RELL1: variants seen among roughly 807,000 people sequenced by gnomAD.
RELL1 encodes the protein RELT-like protein 1.
Under a neutral mutation model 23.0 loss-of-function variants are expected in RELL1, and 10 were observed. The ratio of observed to expected loss-of-function variants is 0.43; its 90% CI spans 0.27 to 0.74. RELL1 has a LOEUF of 0.74. Ranked by LOEUF, RELL1 falls within the 30% of genes least tolerant of loss-of-function variation. The pLI is 0.19. For missense variants in RELL1, 315 were observed against 364.4 expected (o/e 0.86, Z 1.10); for synonymous variants, 146 against 146.8 (o/e 0.99, Z 0.04).
rs978165271 is a variant in RELL1 at position 37,612,636 on chromosome 4, C to CAAAAAAAAAAAA, written c.*698_*709dup. 6.7e-5 allele frequency among the ~76,000 whole-genome samples: 4 copies of CAAAAAAAAAAAA among 60,142 alleles called. No homozygotes were observed. Among genetic ancestry groups the CAAAAAAAAAAAA allele is most frequent in the African/African-American group, 2.2e-4 (4 of 17,960 alleles). The allele number at this position is 60,142 out of a possible 152,430, so 39.5% of individuals were successfully genotyped here. On this transcript the variant is annotated 3_prime_UTR_variant, in exon 7 of 7. Transcript: ENST00000454158. ...TAGGGGACACAGCGAGACTCTGCCTCAAAAAAAAAAAAAAAAAAACCTTCT... is the reference window on the plus strand; with the variant it reads ...TAGGGGACACAGCGAGACTCTGCCTCAAAAAAAAAAAAAAAAAAAAAAAAAAAAAAACCTTCT...
intron 3 of RELL1, among the ~76,000 whole-genome samples, chr4:37,645,444 T>TC (rs1386325477): frequency 1.3e-5 from 2 of 152,216 alleles, no homozygotes; most frequent in Non-Finnish European, 2.9e-5. Context: ...AAGAACAGTA[T>TC]CACCAACTAC....
At chr4:37,634,427 G>C (rs970278025) in intron 5 of RELL1, among the ~76,000 whole-genome samples, 8 of 152,186 alleles carry the variant, frequency 5.3e-5, no homozygotes, top group Admixed American at 2.0e-4. Flanking sequence ...AATGATACGA[G>C]CCACTCTCAG....
At chr4:37,631,321 C>CT (rs1482564440) in intron 6 of RELL1, 64 bp downstream of exon 6, 1 of 1,521,120 alleles carries the variant, frequency 6.6e-7, no homozygotes. Context: ...ACCTGGGAGG[C>CT]TCCAAGTACC....
chr4:37,638,703 A>T (rs1298770271), intron 3 of RELL1, among the ~76,000 whole-genome samples, 199 bp from the exon 4 acceptor site: 1 of 152,154 alleles, frequency 6.6e-6, no homozygotes, highest in Non-Finnish European at 1.5e-5. Flanking sequence ...ACCCCACAGG[A>T]ACTTAGTAAG....
intron 1 of RELL1, among the ~76,000 whole-genome samples, chr4:37,664,016 T>G (rs969651504): frequency 2.0e-5 from 3 of 152,288 alleles, no homozygotes; most frequent in Admixed American, 1.3e-4. Context: ...TGAATGAAAT[T>G]TGTAGTGGCT....
At chr4:37,662,578 TA>T (rs11333339) in intron 1 of RELL1, among the ~76,000 whole-genome samples, 51,547 of 138,606 alleles carry the variant, frequency 0.37, 10,568 homozygotes, top group African/African-American at 0.61. Flanking sequence ...AGAAACATCT[TA>T]AAAAAAAAAA....
intron 1 of RELL1, among the ~76,000 whole-genome samples, chr4:37,684,948 G>T (rs1242773014): frequency 6.6e-6 from 1 of 151,942 alleles, no homozygotes; most frequent in East Asian, 1.9e-4. Flanking sequence ...ATGAGCCCCT[G>T]TATCAAAATA....
At chr4:37,641,288 C>T (rs1720524038) in intron 3 of RELL1, among the ~76,000 whole-genome samples, 1 of 152,174 alleles carries the variant, frequency 6.6e-6, no homozygotes, top group African/African-American at 2.4e-5. Flanking sequence ...CATGTACACA[C>T]ATGCGTCCCT....
At chr4:37,629,935 T>G (rs1173839880) in intron 6 of RELL1, among the ~76,000 whole-genome samples, 1 of 152,258 alleles carries the variant, frequency 6.6e-6, no homozygotes, top group Middle Eastern at 3.4e-3. Context: ...TGCAACTTCA[T>G]GGAAATCTCA....
At chr4:37,622,662 G>A (rs143561723) in intron 6 of RELL1, among the ~76,000 whole-genome samples, 24 of 152,242 alleles carry the variant, frequency 1.6e-4, no homozygotes, top group African/African-American at 5.5e-4. Flanking sequence ...GGGACTGGGA[G>A]GTGCAGGGGA....
chr4:37,643,425 C>A (rs1291763445), intron 3 of RELL1, among the ~76,000 whole-genome samples: 1 of 152,114 alleles, frequency 6.6e-6, no homozygotes, highest in East Asian at 1.9e-4. Context: ...ACCCCATTTG[C>A]CAAACTTAAA....
At chr4:37,623,813 T>C (rs1719849972) in intron 6 of RELL1, among the ~76,000 whole-genome samples, 1 of 152,244 alleles carries the variant, frequency 6.6e-6, no homozygotes, top group African/African-American at 2.4e-5. Flanking sequence ...AGTTTCTTTT[T>C]ATATTCTGTT....
chr4:37,638,350 G>T, intron 4 of RELL1, 97 bp downstream of exon 4: 1 of 947,366 alleles, frequency 1.1e-6, no homozygotes, highest in Non-Finnish European at 1.7e-6. Context: ...GTTAAAGCTG[G>T]GAAACCTGCT....
chr4:37,587,968 CA>C (rs112886454), downstream of RELL1: 4 of 146,874 alleles, frequency 2.7e-5, no homozygotes, highest in South Asian at 2.2e-4. Context: ...GACTGTGTCT[CA>C]AAAAAAAATA....
Position 37,671,732 on chromosome 4 carries a change from T to C in RELL1, c.88+14468A>G, listed in dbSNP as rs115442337. 5.5e-3 allele frequency among the ~76,000 whole-genome samples: 828 copies of C among 151,206 alleles called. 6 individuals carry two copies. The highest frequency in any genetic ancestry group is 0.016 in the African/African-American group (669 of 41,404). On this transcript the variant is annotated intron_variant, in intron 1 of 6. Transcript: ENST00000454158. ...CAACCAGCAGCCCCGAGGGCTGCTG[T>C]GGAATAGCCTGTGGAATAGCCATTC...
At chr4:37,639,854 G>A (rs1460967184) in intron 3 of RELL1, among the ~76,000 whole-genome samples, 1 of 152,208 alleles carries the variant, frequency 6.6e-6, no homozygotes, top group Non-Finnish European at 1.5e-5. Flanking sequence ...TCTAGAGAAG[G>A]AATATTAATT....
chr4:37,659,972 A>G lies in RELL1; in HGVS notation c.89-10472T>C, dbSNP rs563854445. 2.6e-5 allele frequency among the ~76,000 whole-genome samples: 4 copies of G among 152,310 alleles called. No homozygotes were observed. The South Asian group carries it at 8.3e-4, about 32-fold the overall frequency. On this transcript the variant is annotated intron_variant, in intron 1 of 6. Coordinates refer to ENST00000454158, the MANE Select transcript of RELL1 (RefSeq NM_001085400.2). The stretch of plus-strand genomic sequence containing the variant: ...CTCAGAAGCTAGGGTTTCCTGGCAA[A>G]CTGAACCAACAAACTCTTGATGGGA...
At chr4:37,634,852 C>G (rs1720263138) in intron 5 of RELL1, 35 bp downstream of exon 5, 7 of 1,576,400 alleles carry the variant, frequency 4.4e-6, no homozygotes, top group Non-Finnish European at 6.1e-6. Context: ...GCACCCATGT[C>G]ACACACAAAC....
intron 6 of RELL1, among the ~76,000 whole-genome samples, chr4:37,605,626 C>T (rs1221230681): frequency 1.3e-5 from 2 of 151,746 alleles, no homozygotes; most frequent in Admixed American, 1.3e-4. Context: ...CTTGTAATCC[C>T]AGCTACTCAG....
Sources: allele counts gnomAD v4.1 joint callset (sites outside exome capture counted in the v4.1 genomes callset), GRCh38; gene constraint gnomAD v4.1.1; transcripts MANE v1.5; gene names NCBI Gene and HGNC (gene_info 2026-07-23, HGNC 2026-07-21).